Variants in FUT8 observed in about 807,000 individuals in gnomAD.
The protein encoded by FUT8 is fucosyltransferase 8.
A neutral mutation model predicts 71.3 loss-of-function variants in FUT8; 29 were observed. The observed-to-expected ratio is 0.41, with a 90% CI of 0.30 to 0.55. The LOEUF (loss-of-function observed/expected upper bound fraction) is 0.55, where lower values mean the gene tolerates loss of function less well. FUT8 is among the 20% of genes least tolerant of loss of function. The pLI, the probability that FUT8 is intolerant of heterozygous loss-of-function variation, is 0.34. For missense variants in FUT8, 544 were observed against 702.1 expected (o/e 0.77, Z 2.55); for synonymous variants, 254 against 239.3 (o/e 1.06, Z -0.57).
intron 3 of FUT8, among the ~76,000 whole-genome samples, chr14:65,602,114 T>G (rs554219088): frequency 1.3e-5 from 2 of 151,752 alleles, no homozygotes; most frequent in East Asian, 1.9e-4. Context: ...TGTAGTGTTT[T>G]ATCCCTCACC....
In FUT8 at chr14:65,507,068, G is replaced by A. The variant is rs886883112; in HGVS notation, c.-228+51350G>A. 2.0e-5 allele frequency among the ~76,000 whole-genome samples: 3 copies of A among 152,256 alleles called. No individual in the cohort carries two copies. The South Asian group carries it at 6.2e-4, about 32-fold the overall frequency. ...GTAAGATTAATTAACAAAGGCTTGA[G>A]TCAACACCATTAGAGGTAATTGACA... is the stretch of plus-strand genomic sequence containing the variant. On this transcript the variant is annotated intron_variant, in intron 2 of 10. Transcript: ENST00000673929.
intron 1 of FUT8, among the ~76,000 whole-genome samples, chr14:65,445,030 C>G (rs1228466924): frequency 6.6e-6 from 1 of 152,012 alleles, no homozygotes; most frequent in African/African-American, 2.4e-5. Flanking sequence ...ATGGTGAAAC[C>G]CTGTCTGTAC....
intron 1 of FUT8, among the ~76,000 whole-genome samples, chr14:65,423,868 C>T (rs545850646): frequency 4.6e-5 from 7 of 152,322 alleles, no homozygotes; most frequent in South Asian, 4.1e-4. Flanking sequence ...TTTCACAAAA[C>T]GTGCACAATT....
chr14:65,397,179 C>T, the FUT8 span, among the ~76,000 whole-genome samples: 1 of 152,178 alleles, frequency 6.6e-6, no homozygotes, highest in Non-Finnish European at 1.5e-5. This position sits in a 1 kb window ranked among gnomAD's most constrained non-coding sequence, Gnocchi z 4.2. Context: ...CTTGAAGGGG[C>T]ACTTAAGACC....
intron 7 of FUT8, among the ~76,000 whole-genome samples, chr14:65,711,769 A>C (rs1391120252): frequency 6.6e-6 from 1 of 152,174 alleles, no homozygotes; most frequent in East Asian, 1.9e-4. Context: ...TTCAGGCAAC[A>C]AATGTCATGT....
At chr14:65,367,693 A>G in the FUT8 span, among the ~76,000 whole-genome samples, 1 of 152,218 alleles carries the variant, frequency 6.6e-6, no homozygotes, top group Non-Finnish European at 1.5e-5. Flanking sequence ...TCTCTAAAAG[A>G]ACACTACAGG....
intron 6 of FUT8, among the ~76,000 whole-genome samples, chr14:65,636,780 A>T (rs1160664782): frequency 6.6e-6 from 1 of 152,214 alleles, no homozygotes; most frequent in Non-Finnish European, 1.5e-5. Context: ...TTCACAGGAC[A>T]TAATGGAAAA....
intron 10 of FUT8, among the ~76,000 whole-genome samples, chr14:65,734,002 G>A (rs1896102956): frequency 6.6e-6 from 1 of 152,076 alleles, no homozygotes; most frequent in Non-Finnish European, 1.5e-5. Context: ...TATGCCCTGT[G>A]GAATATCAGG....
intron 7 of FUT8, among the ~76,000 whole-genome samples, chr14:65,695,401 A>G (rs906371480): frequency 6.6e-6 from 1 of 152,170 alleles, no homozygotes; most frequent in Admixed American, 6.5e-5. Flanking sequence ...AACCTCTGTC[A>G]TTATATAATG....
intron 2 of FUT8, among the ~76,000 whole-genome samples, chr14:65,477,764 T>G (rs2066268503): frequency 6.6e-6 from 1 of 152,180 alleles, no homozygotes; most frequent in Non-Finnish European, 1.5e-5. Flanking sequence ...TCATATCTTC[T>G]AGCCTGGGTA....
chr14:65,367,863 C>T, the FUT8 span, among the ~76,000 whole-genome samples: 21 of 152,256 alleles, frequency 1.4e-4, no homozygotes, highest in Non-Finnish European at 2.5e-4. Flanking sequence ...TTTACTCCCA[C>T]CTCTCCAATC....
At chr14:65,708,356 A>G (rs1048883808) in intron 7 of FUT8, among the ~76,000 whole-genome samples, 6 of 152,214 alleles carry the variant, frequency 3.9e-5, no homozygotes, top group Non-Finnish European at 2.9e-5. Context: ...CTGTGAGTCA[A>G]TTAAACCTTT....
chr14:65,739,722 T>A (rs1048599265), intron 10 of FUT8, among the ~76,000 whole-genome samples: 9 of 152,010 alleles, frequency 5.9e-5, no homozygotes, highest in African/African-American at 1.9e-4. Flanking sequence ...TTTCTGGTGT[T>A]ACAATATGAA....
chr14:65,490,724 T>C (rs1156541973), intron 2 of FUT8, among the ~76,000 whole-genome samples: 1 of 152,114 alleles, frequency 6.6e-6, no homozygotes, highest in Non-Finnish European at 1.5e-5. Flanking sequence ...TCTGGGGAGT[T>C]GATGGCATTC....
At chr14:65,497,912 G>A (rs993099999) in intron 2 of FUT8, among the ~76,000 whole-genome samples, 18 of 152,158 alleles carry the variant, frequency 1.2e-4, no homozygotes, top group African/African-American at 3.9e-4. Context: ...GAAGCTAGGT[G>A]GAGAGGGGAA....
At chr14:65,520,168 G>A (rs1882984468) in intron 2 of FUT8, among the ~76,000 whole-genome samples, 2 of 152,144 alleles carry the variant, frequency 1.3e-5, no homozygotes, top group South Asian at 2.1e-4. Flanking sequence ...GTAGTAGCAG[G>A]AATATATTTA....
At chr14:65,514,246 A>G (rs924028619) in intron 2 of FUT8, among the ~76,000 whole-genome samples, 15 of 151,028 alleles carry the variant, frequency 9.9e-5, no homozygotes, top group Non-Finnish European at 1.6e-4. Context: ...TTTCTGCCTA[A>G]TAGAAGAGGA....
At chr14:65,714,095 C>T (rs189667310) in intron 7 of FUT8, among the ~76,000 whole-genome samples, 18 of 152,274 alleles carry the variant, frequency 1.2e-4, no homozygotes, top group Non-Finnish European at 1.9e-4. Context: ...TATGGATATC[C>T]AGTTTTCCCA....
intron 7 of FUT8, among the ~76,000 whole-genome samples, chr14:65,689,430 C>G (rs1893464537): frequency 6.6e-6 from 1 of 152,092 alleles, no homozygotes; most frequent in Admixed American, 6.5e-5. Flanking sequence ...TATAAGAGTT[C>G]TATTTATATA....
Sources: allele counts gnomAD v4.1 joint callset (sites outside exome capture counted in the v4.1 genomes callset), GRCh38; gene constraint gnomAD v4.1.1; non-coding constraint Gnocchi (gnomAD v3.1); transcripts MANE v1.5; gene names NCBI Gene and HGNC (gene_info 2026-07-23, HGNC 2026-07-21).